COBL: variants seen among roughly 807,000 people sequenced by gnomAD.
The protein encoded by COBL is protein cordon-bleu.
COBL carries 51 observed loss-of-function variants against 98.8 expected under a neutral mutation model. The observed-to-expected ratio is 0.52, with a 90% CI of 0.41 to 0.65. The LOEUF is 0.65. COBL is among the 30% of genes least tolerant of loss of function. The probability of loss-of-function intolerance (pLI) is 0.00; values close to 1 mark genes in which losing one functional copy is unlikely to be tolerated. For synonymous variants in COBL, 634 were observed against 651.7 expected (o/e 0.97, Z 0.41); for missense variants, 1,617 against 1,617.5 (o/e 1.00, Z 0.01).
intron 1 of COBL, among the ~76,000 whole-genome samples, chr7:51,234,401 C>T (rs2129109498): frequency 6.6e-6 from 1 of 152,360 alleles, no homozygotes; most frequent in East Asian, 1.9e-4. Context: ...ATAACACCAC[C>T]ATCAAGAGTT....
intron 1 of COBL, among the ~76,000 whole-genome samples, chr7:51,301,558 C>T (rs1342373884): frequency 6.6e-6 from 1 of 152,248 alleles, no homozygotes; most frequent in East Asian, 1.9e-4. Context: ...TTCTTTCCTC[C>T]GGGACTTCCC....
chr7:51,298,617 A>G (rs1223906821), intron 1 of COBL, among the ~76,000 whole-genome samples: 1 of 152,236 alleles, frequency 6.6e-6, no homozygotes, highest in Non-Finnish European at 1.5e-5. Flanking sequence ...AAAGTAGGGA[A>G]AGAAATGCTT....
chr7:51,290,414 G>T (rs1800783626), intron 1 of COBL, among the ~76,000 whole-genome samples: 1 of 152,042 alleles, frequency 6.6e-6, no homozygotes, highest in African/African-American at 2.4e-5. Flanking sequence ...TGTGAAACCT[G>T]CAATGTCACA....
chr7:51,081,730 G>A (rs575326600), intron 7 of COBL, among the ~76,000 whole-genome samples: 2 of 152,302 alleles, frequency 1.3e-5, no homozygotes, highest in East Asian at 3.9e-4. Context: ...TGGCTTTATA[G>A]CTTTCATCCA....
intron 6 of COBL, among the ~76,000 whole-genome samples, chr7:51,135,715 C>A (rs960749057): frequency 6.6e-6 from 1 of 152,140 alleles, no homozygotes; most frequent in Non-Finnish European, 1.5e-5. Context: ...ATGACACATG[C>A]GGCAAGAGTT....
At chr7:51,053,526 G>A (rs1350438227) in intron 7 of COBL, among the ~76,000 whole-genome samples, 1 of 152,252 alleles carries the variant, frequency 6.6e-6, no homozygotes, top group African/African-American at 2.4e-5. Flanking sequence ...TAACAGAAAA[G>A]AGCATTCTTT....
At chr7:51,026,068 A>G (rs181247395) in intron 11 of COBL, among the ~76,000 whole-genome samples, 2 of 152,266 alleles carry the variant, frequency 1.3e-5, no homozygotes, top group East Asian at 3.9e-4. Context: ...TACAAATCAC[A>G]TTGCTCCTCA....
chr7:51,220,740 G>C (rs1175196917), intron 1 of COBL, among the ~76,000 whole-genome samples: 1 of 152,018 alleles, frequency 6.6e-6, no homozygotes, highest in East Asian at 1.9e-4. Flanking sequence ...CATCACCCAG[G>C]TAGTGAGCAC....
In COBL at chr7:51,097,790, G is replaced by A. The variant is rs372623855; in HGVS notation, c.958-12486C>T. Among the ~76,000 whole-genome samples the A allele has an allele frequency of 1.1e-4, 17 of 152,200 alleles. No homozygotes were observed. The South Asian group carries it at 2.3e-3, about 20-fold the overall frequency. On this transcript the variant is annotated intron_variant, in intron 6 of 12. Coordinates refer to ENST00000265136, the MANE Select transcript of COBL (RefSeq NM_015198.5). The stretch of plus-strand genomic sequence containing the variant: ...TGTAATCCCAGCACTTTGGGAGGCC[G>A]AGGCGGGTGGATCACAAGGTCAGCA...
intron 5 of COBL, among the ~76,000 whole-genome samples, chr7:51,162,348 A>G (rs776571824): frequency 6.6e-6 from 1 of 152,216 alleles, no homozygotes; most frequent in Admixed American, 6.5e-5. Context: ...CAGGAAAACT[A>G]CTTAAAGTTA....
chr7:51,137,668 G>A (rs1799368157), intron 5 of COBL, among the ~76,000 whole-genome samples: 2 of 151,952 alleles, frequency 1.3e-5, no homozygotes, highest in South Asian at 4.1e-4. Flanking sequence ...TTGCTTGTTT[G>A]TATCTTTGTC....
intron 8 of COBL, among the ~76,000 whole-genome samples, chr7:51,036,598 G>A (rs1478811778): frequency 6.6e-6 from 1 of 152,042 alleles, no homozygotes. Context: ...ATAGCCACAA[G>A]CCTGCAGGTA....
rs1433090933 is a variant in COBL at position 51,316,764 on chromosome 7, G to C, written c.-131C>G. On this transcript the variant is annotated 5_prime_UTR_variant, in exon 1 of 13. Transcript: ENST00000265136. ...TCGTCCTCCCACGCGGGCCGGCGGA[G>C]GACAGCGGCGGAGCGCGGCGGACGG... The C allele has an allele frequency of 1.4e-6, 1 of 702,658 alleles. No homozygotes were observed. The highest frequency in any genetic ancestry group is 3.9e-5 in the East Asian group (1 of 25,570). The allele number at this position is 702,658 out of a possible 1,614,324, so 43.5% of individuals were successfully genotyped here.
intron 1 of COBL, among the ~76,000 whole-genome samples, chr7:51,291,535 C>A (rs919937078): frequency 6.6e-6 from 1 of 151,784 alleles, no homozygotes; most frequent in Non-Finnish European, 1.5e-5. Context: ...CTGAGGCAGG[C>A]GGATCACCTG....
chr7:51,222,874 G>C (rs1406732682), intron 1 of COBL, among the ~76,000 whole-genome samples: 1 of 152,180 alleles, frequency 6.6e-6, no homozygotes, highest in African/African-American at 2.4e-5. Flanking sequence ...AGAGTCGGGA[G>C]AGGTTTTGAC....
chr7:51,283,672 A>G (rs981587454), intron 1 of COBL, among the ~76,000 whole-genome samples: 2 of 151,960 alleles, frequency 1.3e-5, no homozygotes, highest in African/African-American at 4.8e-5. Context: ...TTTAGTAGAG[A>G]CGGGGTTTCA....
intron 5 of COBL, among the ~76,000 whole-genome samples, chr7:51,137,209 T>A (rs1033768199): frequency 6.6e-6 from 1 of 152,172 alleles, no homozygotes; most frequent in Admixed American, 6.5e-5. Flanking sequence ...CAATGCAGTA[T>A]AGGGGTTAAG....
At chr7:51,026,870 C>G (rs779216281) in intron 10 of COBL, among the ~76,000 whole-genome samples, 3 of 152,088 alleles carry the variant, frequency 2.0e-5, no homozygotes, top group Non-Finnish European at 4.4e-5. Context: ...TGTACTCCAG[C>G]CTGGGCCACA....
chr7:51,268,601 C>T (rs1474762243), intron 1 of COBL, among the ~76,000 whole-genome samples: 1 of 152,134 alleles, frequency 6.6e-6, no homozygotes, highest in Non-Finnish European at 1.5e-5. Flanking sequence ...GAGTAATTCC[C>T]TTTTGCAGAT....
Sources: allele counts gnomAD v4.1 joint callset (sites outside exome capture counted in the v4.1 genomes callset), GRCh38; gene constraint gnomAD v4.1.1; transcripts MANE v1.5; gene names NCBI Gene and HGNC (gene_info 2026-07-23, HGNC 2026-07-21).